Variants in RTKN2 observed in about 807,000 individuals in gnomAD.
The protein encoded by RTKN2 is rhotekin-2.
Under a neutral mutation model 71.5 loss-of-function variants are expected in RTKN2, and 69 were observed. That is an observed-to-expected ratio of 0.96 (90% confidence interval 0.79 to 1.18). RTKN2 has a LOEUF of 1.18. RTKN2 is among the 50% of genes most tolerant of loss of function. The pLI, the probability that RTKN2 is intolerant of heterozygous loss-of-function variation, is 0.00. For missense variants in RTKN2, 724 were observed against 719.7 expected (o/e 1.01, Z -0.07); for synonymous variants, 236 against 236.5 (o/e 1.00, Z 0.02).
intron 6 of RTKN2, among the ~76,000 whole-genome samples, chr10:62,234,449 G>A (rs946468351): frequency 6.7e-6 from 1 of 149,920 alleles, no homozygotes; most frequent in Admixed American, 6.7e-5. Flanking sequence ...AGGGAGCTGA[G>A]AGCTCCACTG....
intron 3 of RTKN2, among the ~76,000 whole-genome samples, chr10:62,243,965 ATAC>A (rs1842430930): frequency 2.0e-5 from 3 of 152,208 alleles, no homozygotes; most frequent in Non-Finnish European, 4.4e-5. Flanking sequence ...ATTACGGTAA[ATAC>A]TACATTTACA....
At chr10:62,249,443 C>T (rs1419990040) in intron 2 of RTKN2, among the ~76,000 whole-genome samples, 1 of 113,902 alleles carries the variant, frequency 8.8e-6, no homozygotes, top group Non-Finnish European at 1.7e-5. Flanking sequence ...ATATAAGCTC[C>T]GTGTGTACTT....
chr10:62,185,212 A>G (rs74893416), intron 8 of RTKN2, among the ~76,000 whole-genome samples: 182 of 151,972 alleles, frequency 1.2e-3, no homozygotes, highest in Non-Finnish European at 2.2e-3. Context: ...AAAAAAAAAA[A>G]CCCTCATAAT....
chr10:62,240,072 C>G lies in RTKN2; in HGVS notation c.371-307G>C, dbSNP rs563626133. On this transcript the variant is annotated intron_variant, in intron 4 of 11. Coordinates refer to ENST00000373789, the MANE Select transcript of RTKN2 (RefSeq NM_145307.4). The stretch of plus-strand genomic sequence containing the variant: ...TTCTTAAGCTTTAATTAATAGTAAA[C>G]TTTATATACACACATGCGCGGGCAT... Among the ~76,000 whole-genome samples the G allele has an allele frequency of 1.1e-4, 16 of 152,080 alleles. No homozygotes were observed. In the East Asian group the frequency reaches 1.9e-3, roughly 18 times the overall value.
chr10:62,213,767 C>T (rs1196644773), intron 9 of RTKN2, among the ~76,000 whole-genome samples: 1 of 151,384 alleles, frequency 6.6e-6, no homozygotes, highest in Non-Finnish European at 1.5e-5. Flanking sequence ...ATGTTAACTG[C>T]TGAGTCTAGG....
chr10:62,207,841 A>G (rs4979772), intron 9 of RTKN2, among the ~76,000 whole-genome samples: 87,163 of 151,964 alleles, frequency 0.57, 25,474 homozygotes, highest in East Asian at 0.9. Context: ...CTCCAATCCA[A>G]TTCTTTATGA....
At chr10:62,234,615 G>A (rs1452612911) in intron 6 of RTKN2, among the ~76,000 whole-genome samples, 2 of 151,994 alleles carry the variant, frequency 1.3e-5, no homozygotes, top group East Asian at 1.9e-4. Context: ...TCTAGTAAAC[G>A]GAAGAATCAG....
intron 10 of RTKN2, among the ~76,000 whole-genome samples, chr10:62,200,715 C>A (rs1016899130): frequency 3.3e-5 from 5 of 151,992 alleles, no homozygotes; most frequent in Non-Finnish European, 5.9e-5. Flanking sequence ...AGATGATTAT[C>A]ATGCTTTTCA....
At chr10:62,192,930 C>T (rs958000440), downstream of RTKN2, among the ~76,000 whole-genome samples, 30 of 152,270 alleles carry the variant, frequency 2.0e-4, no homozygotes, top group African/African-American at 6.7e-4. Flanking sequence ...AAGAATCTAA[C>T]ACACTATGTG....
Position 62,197,200 on chromosome 10 carries a change from A to G in RTKN2, c.*708T>C. On this transcript the variant is annotated 3_prime_UTR_variant, in exon 12 of 12. Transcript: ENST00000373789. The stretch of plus-strand genomic sequence containing the variant: ...CACACACAGAAAATTGAATGTAAAG[A>G]GCATTTCATCTACCATTTCTCTAAA... 2.0e-6 allele frequency: 2 copies of G among 985,588 alleles called. No homozygotes were observed. Among genetic ancestry groups the G allele is most frequent in the Non-Finnish European group, 1.2e-6 (1 of 829,734 alleles). The allele number at this position is 985,588 out of a possible 1,614,324, so 61.1% of individuals were successfully genotyped here.
intron 1 of RTKN2, among the ~76,000 whole-genome samples, chr10:62,265,439 C>T (rs953303660): frequency 2.0e-5 from 3 of 152,150 alleles, no homozygotes; most frequent in African/African-American, 7.2e-5. Context: ...AATTAACATA[C>T]ACAGTAAACT....
intron 1 of RTKN2, among the ~76,000 whole-genome samples, chr10:62,263,735 T>G (rs1295148679): frequency 2.0e-5 from 3 of 152,190 alleles, no homozygotes; most frequent in Non-Finnish European, 4.4e-5. Context: ...CGCTGTACAC[T>G]GAAAATGTCA....
chr10:62,209,181 T>C (rs891679546), intron 9 of RTKN2, among the ~76,000 whole-genome samples: 1 of 151,952 alleles, frequency 6.6e-6, no homozygotes, highest in Non-Finnish European at 1.5e-5. Context: ...GGCAGGAGAA[T>C]CGCTTAAACT....
rs560518767 is a variant in RTKN2 at position 62,226,171 on chromosome 10, TCAA to T, written c.687-2842_687-2840del. Among the ~76,000 whole-genome samples the T allele has an allele frequency of 7.2e-5, 11 of 152,266 alleles. No homozygotes were observed. In the East Asian group the frequency reaches 2.1e-3, roughly 29 times the overall value. ...TCCAAATCAGTAAAATCTCAAAACA[TCAA>T]CGAGTATATTAAAAGAGAGAGACAA... On this transcript the variant is annotated intron_variant, in intron 6 of 11. Transcript: ENST00000373789.
intron 11 of RTKN2, among the ~76,000 whole-genome samples, chr10:62,199,483 A>C (rs995940836): frequency 1.2e-4 from 19 of 152,228 alleles, no homozygotes; most frequent in African/African-American, 4.3e-4. Flanking sequence ...CTACTCAGCT[A>C]ATATTTATTT....
At position 62,198,913 on chromosome 10, in the gene RTKN2, G is replaced by C. The variant is rs115277639; in HGVS notation, c.1295-470C>G. ...TATTAGGATGACTGCATTTGGATGA[G>C]TATTCTTTCCTGTAGACCAGCAAAG... On this transcript the variant is annotated intron_variant, in intron 11 of 11. Transcript: ENST00000373789. Among the ~76,000 whole-genome samples the C allele has an allele frequency of 5.0e-3, 758 of 152,198 alleles. 2 individuals are homozygous for C. Among genetic ancestry groups the C allele is most frequent in the African/African-American group, 0.017 (692 of 41,522 alleles).
Position 62,197,770 on chromosome 10 carries a change from T to A in RTKN2, c.*138A>T. On this transcript the variant is annotated 3_prime_UTR_variant, in exon 12 of 12. Transcript: ENST00000373789. ...AATCCACTTCTTCATTATAAAATGT[T>A]TTTCTATACCTAATAGCTTATTAAT... is the stretch of plus-strand genomic sequence containing the variant. 7.1e-7 allele frequency: 1 copy of A among 1,416,254 alleles called. No individual in the cohort carries two copies. The allele number at this position is 1,416,254 out of a possible 1,614,324, so 87.7% of individuals were successfully genotyped here.
intron 10 of RTKN2, among the ~76,000 whole-genome samples, chr10:62,200,381 A>AAAAAAG (rs1564499056): frequency 1.3e-4 from 19 of 150,424 alleles, no homozygotes; most frequent in African/African-American, 4.2e-4. Flanking sequence ...AAAAAAAAAA[A>AAAAAAG]AAAAAGAAAA....
Position 62,218,270 on chromosome 10 carries a change from G to A in RTKN2, c.813C>T (p.Gly271=). 1 of 1,613,108 alleles carries A rather than the reference G, an allele frequency of 6.2e-7. No homozygotes were observed. The highest frequency in any genetic ancestry group is 8.5e-7 in the Non-Finnish European group (1 of 1,179,450). ...GGGCAACTAGTCGGCAGCACATGTT[G>A]CCATACAGGGGAAGCCAAAATGAAG... ...EESSFWLPLY[G]NMCCRLVAQP... is the part of the protein sequence containing the mutation. The change falls in exon 8 of 12, where the codon GGC becomes GGT. Residue 271 remains glycine, a synonymous_variant. Transcript: ENST00000373789.
Sources: gnomAD v4.1 joint callset for allele counts (sites outside exome capture counted in the v4.1 genomes callset) on GRCh38, gnomAD v4.1.1 for gene constraint, MANE v1.5 for transcripts, NCBI Gene and HGNC (gene_info 2026-07-23, HGNC 2026-07-21) for gene names.